NUP210: variants seen among roughly 807,000 people sequenced by gnomAD.
The protein encoded by NUP210 is nucleoporin 210, also known as nuclear pore membrane glycoprotein 210.
NUP210 carries 151 observed loss-of-function variants against 196.0 expected under a neutral mutation model. The observed-to-expected ratio is 0.77, with a 90% confidence interval of 0.67 to 0.88. NUP210 has a LOEUF of 0.88. Ranked by LOEUF, NUP210 falls within the 40% of genes least tolerant of loss-of-function variation. NUP210 has a pLI of 0.00. For missense variants in NUP210, 2,314 were observed against 2,493.7 expected (o/e 0.93, Z 1.53); for synonymous variants, 1,070 against 1,052.7 (o/e 1.02, Z -0.32).
chr3:13,401,545 C>T (rs1362003401), intron 1 of NUP210, among the ~76,000 whole-genome samples: 1 of 152,158 alleles, frequency 6.6e-6, no homozygotes, highest in Non-Finnish European at 1.5e-5. Flanking sequence ...GGATTTCTTC[C>T]AGGAAAATAG....
chr3:13,316,623 GGGCTGGC>G lies in NUP210; in HGVS notation c.*1051_*1057del, dbSNP rs1255932496. The G allele has an allele frequency of 6.6e-6, 1 of 152,300 alleles. No homozygotes were observed. The highest frequency in any genetic ancestry group is 2.4e-5 in the African/African-American group (1 of 41,480). 9.4% of individuals were successfully genotyped at this position (152,300 alleles called of 1,614,324 possible). A position where few individuals can be genotyped will look rare whatever the true frequency, so the allele number is the denominator to read the frequency against. ...AGTCCCTTCTGGATGGGCAGGCCCT[GGGCTGGC>G]GGCCGCCCTCCATCATTGGCCCAGG... On this transcript the variant is annotated 3_prime_UTR_variant, in exon 40 of 40. Coordinates refer to ENST00000254508, the MANE Select transcript of NUP210 (RefSeq NM_024923.4).
chr3:13,337,747 G>A, intron 26 of NUP210, 90 bp downstream of exon 26: 1 of 1,200,378 alleles, frequency 8.3e-7, no homozygotes, highest in Non-Finnish European at 1.2e-6. Flanking sequence ...CAGGCAGATG[G>A]AGGAGGTGGA....
intron 13 of NUP210, among the ~76,000 whole-genome samples, chr3:13,369,994 G>A (rs570954723): frequency 1.2e-4 from 18 of 152,312 alleles, no homozygotes; most frequent in Non-Finnish European, 2.1e-4. Context: ...CCTGGGAGGT[G>A]GCAGAGGGAG....
At chr3:13,373,672 C>A in intron 12 of NUP210, 46 bp downstream of exon 12, 1 of 1,600,502 alleles carries the variant, frequency 6.2e-7, no homozygotes, top group Non-Finnish European at 8.6e-7. Context: ...CGGCTGGAGA[C>A]CACCATCCGA....
chr3:13,402,915 A>T (rs950898305), intron 1 of NUP210, among the ~76,000 whole-genome samples: 3 of 151,910 alleles, frequency 2.0e-5, no homozygotes, highest in African/African-American at 4.8e-5. Flanking sequence ...CACTCAGAAC[A>T]CTCGCAGCTG....
At chr3:13,335,818 G>T (rs879389232) in intron 27 of NUP210, among the ~76,000 whole-genome samples, 11 of 152,212 alleles carry the variant, frequency 7.2e-5, no homozygotes, top group Non-Finnish European at 1.6e-4. Context: ...TGGGTGCCCG[G>T]GTCCTGCCCT....
At chr3:13,354,977 A>C (rs946380880) in intron 16 of NUP210, among the ~76,000 whole-genome samples, 8 of 152,296 alleles carry the variant, frequency 5.3e-5, no homozygotes, top group African/African-American at 1.9e-4. Context: ...GCATGGGGGC[A>C]GTGTGGGCTG....
In NUP210 at chr3:13,343,301, C is replaced by T. The variant is rs202190879; in HGVS notation, c.2838G>A (p.Val946=). 26 of 1,609,920 alleles carry T rather than the reference C, an allele frequency of 1.6e-5. No individual in the cohort carries two copies. The East Asian group carries it at 5.2e-4, about 32-fold the overall frequency. ...TGGATGAGCCCGGGAGCAAAGGGTG[C>T]ACCTGCAAGGTTGGGGCGGAGGTGG... ...AYQEARGVAM[V]HPLLPGSSTI... Residue 946 remains valine (V), a splice_region_variant and synonymous_variant, in exon 21 of 40, where the codon GTG becomes GTA. Coordinates refer to ENST00000254508, the MANE Select transcript of NUP210 (RefSeq NM_024923.4).
rs1698803085 is a variant in NUP210 at position 13,373,656 on chromosome 3, A to T, written c.1587+62T>A. On this transcript the variant is annotated intron_variant, in intron 12 of 39. Transcript: ENST00000254508. Reference sequence around the variant, plus strand: ...CTGAGTGAAGTCGAGGCTTGCTCAGAGGGGGCGGCTGGAGACCACCATCCG... The same window carrying T: ...CTGAGTGAAGTCGAGGCTTGCTCAGTGGGGGCGGCTGGAGACCACCATCCG... 27 of 1,567,678 alleles carry T rather than the reference A, an allele frequency of 1.7e-5. No homozygotes were observed. In the South Asian group the frequency reaches 3.0e-4, roughly 18 times the overall value.
rs370069847 is a variant in NUP210 at position 13,365,223 on chromosome 3, TC to T, written c.1932+722del. Among the ~76,000 whole-genome samples, 523 of 152,320 alleles carry T rather than the reference TC, an allele frequency of 3.4e-3. 2 individuals carry two copies. The highest frequency in any genetic ancestry group is 0.012 in the African/African-American group (494 of 41,556). ...TTATCCGTGTATAATAACTAACCCTTCCTGAGCCTGCACTACCCCCTAGACT... is the reference window on the plus strand; with the variant it reads ...TTATCCGTGTATAATAACTAACCCTTCTGAGCCTGCACTACCCCCTAGACT... On this transcript the variant is annotated intron_variant, in intron 14 of 39. Coordinates refer to ENST00000254508, the MANE Select transcript of NUP210 (RefSeq NM_024923.4).
intron 11 of NUP210, among the ~76,000 whole-genome samples, 161 bp from the exon 12 acceptor site, chr3:13,374,034 C>T (rs370278186): frequency 6.6e-6 from 1 of 152,130 alleles, no homozygotes; most frequent in Non-Finnish European, 1.5e-5. Flanking sequence ...CATTCACACT[C>T]ACATGTACAG....
At chr3:13,322,446 G>T in intron 34 of NUP210, 107 bp from the exon 35 acceptor site, 1 of 1,265,844 alleles carries the variant, frequency 7.9e-7, no homozygotes, top group Non-Finnish European at 1.1e-6. Flanking sequence ...ACCTGCCCCT[G>T]CATGTCTTCC....
intron 14 of NUP210, among the ~76,000 whole-genome samples, chr3:13,363,422 C>T (rs946976876): frequency 2.0e-5 from 3 of 152,312 alleles, no homozygotes; most frequent in East Asian, 1.9e-4. Flanking sequence ...AAGAACTGTG[C>T]GAAGGAGCTG....
At chr3:13,343,342 G>GT in intron 20 of NUP210, 39 bp from the exon 21 acceptor site, 78 of 655,970 alleles carry the variant, frequency 1.2e-4, no homozygotes, top group Admixed American at 3.5e-4. Flanking sequence ...TGGGTGGTGG[G>GT]TTACGCAGCT....
chr3:13,327,161 C>T, intron 32 of NUP210, 56 bp downstream of exon 32: 1 of 1,456,524 alleles, frequency 6.9e-7, no homozygotes, highest in Non-Finnish European at 9.3e-7. Flanking sequence ...TAGCCCCCAC[C>T]CAGCTTTGCA....
chr3:13,358,109 G>C (rs1005517939), intron 16 of NUP210, 113 bp downstream of exon 16: 2 of 925,842 alleles, frequency 2.2e-6, no homozygotes, highest in Admixed American at 5.1e-5. Flanking sequence ...CGAAGGAAGT[G>C]CAGCGTGGAG....
chr3:13,362,035 CCCA>C (rs1288870473), intron 14 of NUP210, among the ~76,000 whole-genome samples: 3 of 152,320 alleles, frequency 2.0e-5, no homozygotes, highest in Middle Eastern at 3.4e-3. Context: ...TTCTCTGGCC[CCCA>C]CTTCACCTGG....
At chr3:13,399,526 G>A (rs1486966143) in intron 2 of NUP210, among the ~76,000 whole-genome samples, 199 bp downstream of exon 2, 7 of 152,064 alleles carry the variant, frequency 4.6e-5, no homozygotes, top group Admixed American at 3.9e-4. Flanking sequence ...TCCACAAAAG[G>A]GAACACGGTA....
chr3:13,384,999 G>A (rs1699224890), intron 6 of NUP210, among the ~76,000 whole-genome samples: 1 of 152,200 alleles, frequency 6.6e-6, no homozygotes, highest in Non-Finnish European at 1.5e-5. Context: ...TCCTGCTGAA[G>A]GGCAGATGCT....
Sources: allele counts gnomAD v4.1 joint callset (sites outside exome capture counted in the v4.1 genomes callset), GRCh38; gene constraint gnomAD v4.1.1; transcripts MANE v1.5; gene names NCBI Gene and HGNC (gene_info 2026-07-23, HGNC 2026-07-21).